SFXN5: variants seen among roughly 807,000 people sequenced by gnomAD.
SFXN5 encodes sideroflexin 5.
A neutral mutation model predicts 50.2 loss-of-function variants in SFXN5; 43 were observed. The ratio of observed to expected loss-of-function variants is 0.86; its 90% CI spans 0.67 to 1.11. SFXN5 has a LOEUF of 1.11. Among genes scored for constraint, SFXN5 ranks in the 50% least tolerant of loss-of-function variants. The pLI is 0.00. For synonymous variants in SFXN5, 203 were observed against 185.8 expected, an observed-to-expected ratio of 1.09 and a Z score of -0.75; for missense variants, 463 against 454.1, an observed-to-expected ratio of 1.02 and a Z score of -0.18.
chr2:73,032,931 C>G (rs890641530), intron 3 of SFXN5, among the ~76,000 whole-genome samples: 1 of 152,188 alleles, frequency 6.6e-6, no homozygotes. Flanking sequence ...AAGTCTATGT[C>G]AGGTGAGGGT....
rs1679561502 is a variant in SFXN5, at chr2:73,041,018, T to C, written c.172-87A>G. ...TTTGTGGGATTACATCAGTATCAAA[T>C]ACTGCCAGTGCAAGGCTTTGGGCCT... On this transcript the variant is annotated intron_variant, in intron 2 of 13. Transcript: ENST00000272433. 6 of 1,054,160 alleles carry C rather than the reference T, an allele frequency of 5.7e-6. No homozygotes were observed. The Admixed American group carries it at 8.5e-5, about 15-fold the overall frequency. 65.3% of individuals were successfully genotyped at this position (1,054,160 alleles called of 1,614,324 possible). A position where few individuals can be genotyped will look rare whatever the true frequency, so the allele number is the denominator to read the frequency against.
intron 6 of SFXN5, among the ~76,000 whole-genome samples, chr2:73,016,180 T>G (rs965337100): frequency 1.3e-5 from 2 of 152,216 alleles, no homozygotes; most frequent in Non-Finnish European, 2.9e-5. Flanking sequence ...AAATGTCTAT[T>G]TAATTAGTCC....
intron 10 of SFXN5, among the ~76,000 whole-genome samples, chr2:72,984,382 G>A (rs2105543212): frequency 6.6e-6 from 1 of 152,364 alleles, no homozygotes; most frequent in East Asian, 1.9e-4. Context: ...AAAAACTAGG[G>A]GGGAACTTGG....
chr2:73,036,229 GTCACCACT>G (rs1355615682), intron 3 of SFXN5, among the ~76,000 whole-genome samples: 1 of 152,190 alleles, frequency 6.6e-6, no homozygotes, highest in Non-Finnish European at 1.5e-5. Context: ...GAGCTGCCAT[GTCACCACT>G]TATCCCCTCT....
chr2:72,971,774 C>A (rs1275150666), intron 10 of SFXN5, 89 bp from the exon 11 acceptor site: 3 of 978,266 alleles, frequency 3.1e-6, no homozygotes, highest in Admixed American at 2.0e-5. Flanking sequence ...CCTACGCAAG[C>A]CTTGGGGTTC....
intron 6 of SFXN5, among the ~76,000 whole-genome samples, chr2:73,013,293 T>C (rs998628975): frequency 3.9e-5 from 6 of 152,154 alleles, no homozygotes; most frequent in Non-Finnish European, 7.4e-5. Context: ...ATTAAATGAC[T>C]CTGACATAAA....
chr2:72,998,932 G>A lies in SFXN5; in HGVS notation c.534+17C>T. 6.2e-7 allele frequency: 1 copy of A among 1,613,502 alleles called. No homozygotes were observed. The highest frequency in any genetic ancestry group is 1.3e-5 in the African/African-American group (1 of 75,038). Reference sequence around the variant, plus strand: ...AGAGCAGCAGAGCCAAGAAGGAGCAGGGGAGGGAGTACTCACAGCAATGGA... The same window carrying A: ...AGAGCAGCAGAGCCAAGAAGGAGCAAGGGAGGGAGTACTCACAGCAATGGA... On this transcript the variant is annotated intron_variant, in intron 9 of 13. Coordinates refer to ENST00000272433, the MANE Select transcript of SFXN5 (RefSeq NM_144579.3).
intron 13 of SFXN5, among the ~76,000 whole-genome samples, chr2:72,949,141 C>G (rs59615774): frequency 0.05 from 7,603 of 152,164 alleles, 573 homozygotes; most frequent in African/African-American, 0.17. Flanking sequence ...AAAATATTAG[C>G]TGGCTAGCAT....
At position 73,000,464 on chromosome 2, in the gene SFXN5, G is replaced by A; in HGVS notation, c.435C>T (p.Ala145=). 3 of 1,560,578 alleles carry A rather than the reference G, an allele frequency of 1.9e-6. No homozygotes were observed. Among genetic ancestry groups the A allele is most frequent in the Non-Finnish European group, 1.7e-6 (2 of 1,150,798 alleles). ...FWQWLNQSHN[A]CVNYANRNAT... is the part of the protein sequence containing the mutation. ...CATTGCGGTTTGCATAGTTGACACA[G>A]GCATTGTGGCTCTGGTTCAGCCACT... Residue 145 remains alanine (A), a synonymous_variant, in exon 8 of 14, where the codon GCC becomes GCT. Transcript: ENST00000272433.
chr2:72,988,631 T>G (rs531105310), intron 9 of SFXN5, among the ~76,000 whole-genome samples: 5 of 151,578 alleles, frequency 3.3e-5, no homozygotes, highest in Admixed American at 6.6e-5. Flanking sequence ...ACACACACAT[T>G]TACACACTCA....
At chr2:73,028,413 AG>A (rs1677872997) in intron 3 of SFXN5, among the ~76,000 whole-genome samples, 1 of 152,214 alleles carries the variant, frequency 6.6e-6, no homozygotes, top group South Asian at 2.1e-4. Context: ...CTCCTGTCAG[AG>A]GCCTGGGCGC....
chr2:72,995,633 T>C (rs1241905728), intron 9 of SFXN5, among the ~76,000 whole-genome samples: 1 of 152,080 alleles, frequency 6.6e-6, no homozygotes, highest in African/African-American at 2.4e-5. Flanking sequence ...CTCGTTTTAA[T>C]TAATGCCAGA....
intron 1 of SFXN5, 67 bp downstream of exon 1, chr2:73,071,537 T>G: frequency 6.8e-7 from 1 of 1,467,376 alleles, no homozygotes; most frequent in Non-Finnish European, 9.4e-7. Context: ...GAAGGGGACT[T>G]TGGAGGGGAG....
In SFXN5 at chr2:72,961,591, G is replaced by C. The variant is rs996986967; in HGVS notation, c.828-343C>G. Among the ~76,000 whole-genome samples the C allele has an allele frequency of 3.3e-5, 5 of 152,200 alleles. No individual in the cohort carries two copies. The highest frequency in any genetic ancestry group is 5.9e-5 in the Non-Finnish European group (4 of 68,032). On this transcript the variant is annotated intron_variant, in intron 12 of 13. Coordinates refer to ENST00000272433, the MANE Select transcript of SFXN5 (RefSeq NM_144579.3). This position sits in a 1 kb window ranked among gnomAD's most constrained non-coding sequence, Gnocchi z 4.4. The stretch of plus-strand genomic sequence containing the variant: ...CTATGTGGGAGAGACACTCAAAGAG[G>C]CTGTCGGCCCCTGTTCCTGGGGAGA...
At chr2:72,955,875 A>G (rs1673033830) in intron 13 of SFXN5, among the ~76,000 whole-genome samples, 1 of 152,214 alleles carries the variant, frequency 6.6e-6, no homozygotes, top group African/African-American at 2.4e-5. Context: ...ATCTGGCCCT[A>G]CCACAAGGGA....
At chr2:72,970,271 G>A (rs1016946405) in intron 11 of SFXN5, among the ~76,000 whole-genome samples, 6 of 152,312 alleles carry the variant, frequency 3.9e-5, no homozygotes, top group African/African-American at 1.4e-4. Context: ...GGCTCTTCAT[G>A]GTCAGCCTCA....
At chr2:73,046,398 G>A (rs1326595151) in intron 2 of SFXN5, among the ~76,000 whole-genome samples, 1 of 134,400 alleles carries the variant, frequency 7.4e-6, no homozygotes, top group Non-Finnish European at 1.5e-5. Flanking sequence ...AATAGAGTGA[G>A]ACTCCATCTC....
Position 73,001,512 on chromosome 2 carries a change from G to C in SFXN5, c.411+13C>G, listed in dbSNP as rs1409928410. The stretch of plus-strand genomic sequence containing the variant: ...CCTTCCTTCAGGAGCCCTGTTTGCT[G>C]CGAGACTGTTACCTGCCAGAAGACA... On this transcript the variant is annotated intron_variant, in intron 7 of 13. Coordinates refer to ENST00000272433, the MANE Select transcript of SFXN5 (RefSeq NM_144579.3). 1 of 1,614,124 alleles carries C rather than the reference G, an allele frequency of 6.2e-7. No homozygotes were observed. The highest frequency in any genetic ancestry group is 1.3e-5 in the African/African-American group (1 of 75,052).
rs1283982313 is a variant in SFXN5, at chr2:72,968,448, T to C, written c.827A>G (p.Lys276Arg). 34 of 1,552,232 alleles carry C rather than the reference T, an allele frequency of 2.2e-5. No homozygotes were observed. The highest frequency in any genetic ancestry group is 2.8e-5 in the Non-Finnish European group (32 of 1,141,624). Residue 276 changes from lysine to arginine, a missense_variant and splice_region_variant, in exon 12 of 14, where the codon AAG (lysine) becomes AGG (arginine). Transcript: ENST00000272433. ...CTCCATCCTGGCTGCCCCAACTCAC[T>C]TCTCCAGCATGGACATGACGATCGG... ...LPPIVMSMLE[K>R]TALLQARPRL...
Sources: gnomAD v4.1 joint callset for allele counts (sites outside exome capture counted in the v4.1 genomes callset) on GRCh38, gnomAD v4.1.1 for gene constraint, Gnocchi (gnomAD v3.1) non-coding constraint, MANE v1.5 for transcripts, NCBI Gene and HGNC (gene_info 2026-07-23, HGNC 2026-07-21) for gene names.